PGAP6: variants seen among roughly 807,000 people sequenced by gnomAD.
PGAP6 encodes post-GPI attachment to proteins 6, also known as post-GPI attachment to proteins factor 6.
A neutral mutation model predicts 68.4 loss-of-function variants in PGAP6; 62 were observed. That is an observed-to-expected ratio of 0.91 (90% CI 0.74 to 1.12). The LOEUF is 1.12. Ranked by LOEUF, PGAP6 falls within the 50% of genes most tolerant of loss-of-function variation. The probability of loss-of-function intolerance (pLI) is 0.00; values close to 1 mark genes in which losing one functional copy is unlikely to be tolerated. For missense variants in PGAP6, 1,188 were observed against 1,068.5 expected (o/e 1.11, Z -1.56); for synonymous variants, 575 against 474.0 (o/e 1.21, Z -2.77).
In PGAP6 at chr16:376,241, C is replaced by T; in HGVS notation, c.1119G>A (p.Arg373=). The T allele has an allele frequency of 2.5e-6, 4 of 1,612,880 alleles. No homozygotes were observed. The highest frequency in any genetic ancestry group is 3.4e-6 in the Non-Finnish European group (4 of 1,180,012). ...VVSVHFQPLD[R]VSVRVCSDTP... Reference sequence around the variant, plus strand: ...TGTCCGAACACACCCTCACCGAGACCCTGTCCAGGGGCTGGAAGTGCACCG... The same window carrying T: ...TGTCCGAACACACCCTCACCGAGACTCTGTCCAGGGGCTGGAAGTGCACCG... Residue 373 remains arginine (R), a synonymous_variant, in exon 6 of 13, where the codon AGG becomes AGA. Transcript: ENST00000431232.
chr16:377,804 G>C lies in PGAP6; in HGVS notation c.166C>G (p.Leu56Val). The C allele has an allele frequency of 6.3e-7, 1 of 1,575,838 alleles. No homozygotes were observed. The highest frequency in any genetic ancestry group is 8.6e-7 in the Non-Finnish European group (1 of 1,161,294). ...SEHFSQAPQRLSFYSWYGSAR... is the reference protein window; with the variant it reads ...SEHFSQAPQRVSFYSWYGSAR... ...CTGCCGTACCAGCTGTAGAAGGACA[G>C]CCTCTGCGGGGCCTGCGAGAAGTGC... Residue 56 changes from leucine to valine, a missense_variant, in exon 2 of 13, where the codon CTG (leucine) becomes GTG (valine). By Grantham distance (32) the Leu-to-Val change is conservative. Coordinates refer to ENST00000431232, the MANE Select transcript of PGAP6 (RefSeq NM_021259.3).
At position 376,652 on chromosome 16, in the gene PGAP6, G is replaced by A. The variant is rs185733391; in HGVS notation, c.796C>T (p.Arg266Cys). ...CAGGGCGGTGAGGGCAGCAGCAGGC[G>A]GCAGGGCCAGGGGGCACCGGTGCAG... Reference protein sequence around the residue: ...LTCTGAPWPCRLLLPSPPWDR... With the variant: ...LTCTGAPWPCCLLLPSPPWDR... The change falls in exon 5 of 13, where the codon CGC becomes TGC. Residue 266 changes from arginine to cysteine, a missense_variant. Arg to Cys is a radical substitution (Grantham distance 180). Transcript: ENST00000431232. The A allele has an allele frequency of 8.5e-5, 136 of 1,608,044 alleles. No individual in the cohort carries two copies. The highest frequency in any genetic ancestry group is 1.0e-4 in the Non-Finnish European group (123 of 1,177,646).
rs552036633 is a variant in PGAP6, at chr16:376,881, C to A, written c.636-69G>T. 89 of 1,576,946 alleles carry A rather than the reference C, an allele frequency of 5.6e-5. 1 individual carries two copies. In the East Asian group the frequency reaches 1.1e-3, roughly 20 times the overall value. On this transcript the variant is annotated intron_variant, in intron 4 of 12. Coordinates refer to ENST00000431232, the MANE Select transcript of PGAP6 (RefSeq NM_021259.3). ...AGCCCAGGGACGCAGCGTGCCCAGG[C>A]TCTGCTGTTCCTCAGCCCACTCTGG...
chr16:385,387 A>T (rs1203868917), upstream of PGAP6, among the ~76,000 whole-genome samples: 1 of 132,050 alleles, frequency 7.6e-6, no homozygotes, highest in South Asian at 2.5e-4. Flanking sequence ...ATCTCGGCTC[A>T]CGCAAGCTCC....
chr16:377,226 C>G, intron 3 of PGAP6, 62 bp from the exon 4 acceptor site: 1 of 1,608,382 alleles, frequency 6.2e-7, no homozygotes, highest in Non-Finnish European at 8.5e-7. Context: ...AGGGCATGGT[C>G]TCACCAGACG....
chr16:372,754 G>T, intron 11 of PGAP6, 27 bp from the exon 12 acceptor site: 1 of 1,554,178 alleles, frequency 6.4e-7, no homozygotes, highest in South Asian at 1.1e-5. Context: ...GATGACTGCA[G>T]GGACGTCTCT....
At chr16:382,633 G>GA (rs1198033297), upstream of PGAP6, among the ~76,000 whole-genome samples, 1 of 151,920 alleles carries the variant, frequency 6.6e-6, no homozygotes, top group Non-Finnish European at 1.5e-5. Flanking sequence ...GATTTGAGCC[G>GA]AAAAAAGGAA....
chr16:383,738 C>T (rs1196329097), upstream of PGAP6, among the ~76,000 whole-genome samples: 2 of 152,230 alleles, frequency 1.3e-5, no homozygotes, highest in Admixed American at 1.3e-4. Context: ...TGATCCAGCA[C>T]CGGCTACACT....
upstream of PGAP6, among the ~76,000 whole-genome samples, chr16:382,681 TCTTA>T (rs2054454296): frequency 6.7e-6 from 1 of 148,962 alleles, no homozygotes; most frequent in Non-Finnish European, 1.5e-5. Flanking sequence ...GCTTTTTCCG[TCTTA>T]GGGCCAAGTC....
intron 1 of PGAP6, among the ~76,000 whole-genome samples, 184 bp downstream of exon 1, chr16:381,517 T>C (rs962328009): frequency 4.6e-5 from 7 of 151,936 alleles, no homozygotes; most frequent in African/African-American, 1.7e-4. Context: ...CGGGGTCCCG[T>C]CCGCCTCGAC....
chr16:375,414 C>CG lies in PGAP6; in HGVS notation c.1245dup (p.Val416ArgfsTer62). On this transcript the variant is annotated frameshift_variant, in exon 7 of 13. Transcript: ENST00000431232. LOFTEE classifies it high-confidence loss of function. ...GCAGCATTCACGCAGGCCACTACGA[C>CG]GGTCTCGTTCCGCATCTCTGTCTGG... 1 of 1,612,544 alleles carries CG rather than the reference C, an allele frequency of 6.2e-7. No individual in the cohort carries two copies.
Position 376,433 on chromosome 16 carries a change from G to C in PGAP6, c.927C>G (p.Thr309=). Residue 309 remains threonine (T), a synonymous_variant, in exon 6 of 13, where the codon ACC becomes ACG. Coordinates refer to ENST00000431232, the MANE Select transcript of PGAP6 (RefSeq NM_021259.3). The part of the protein sequence containing the change: ...ALTACRPRSV[T]IQPLLQSSQN... ...GGCTGCTCTGCAGAAGGGGCTGGAT[G>C]GTCACGCTCCGTGGCCTGCAAGCTG... 6.4e-7 allele frequency: 1 copy of C among 1,572,168 alleles called. No individual in the cohort carries two copies. The highest frequency in any genetic ancestry group is 8.6e-7 in the Non-Finnish European group (1 of 1,156,994).
rs768474548 is a variant in PGAP6, at chr16:374,862, C to G, written c.1470G>C (p.Glu490Asp). 1 of 1,612,964 alleles carries G rather than the reference C, an allele frequency of 6.2e-7. No homozygotes were observed. Among genetic ancestry groups the G allele is most frequent in the South Asian group, 1.1e-5 (1 of 91,072 alleles). ...EDCEQAVVHV[E>D]TTLYLVPCLN... The stretch of plus-strand genomic sequence containing the variant: ...AACAGGGCACCAGGTACAAGGTGGT[C>G]TCCACGTGGACCACAGCCTGCTCAC... Residue 490 changes from glutamate to aspartate, a missense_variant, in exon 9 of 13, where the codon GAG becomes GAC. Glu to Asp is a conservative substitution (Grantham distance 45). Transcript: ENST00000431232.
At chr16:378,572 T>A (rs928402268) in intron 1 of PGAP6, among the ~76,000 whole-genome samples, 2 of 149,536 alleles carry the variant, frequency 1.3e-5, no homozygotes, top group African/African-American at 4.9e-5. Context: ...CCAACCCAGG[T>A]CGAAGCCGAA....
At position 381,681 on chromosome 16, in the gene PGAP6, C is replaced by A; in HGVS notation, c.121+20G>T. 1 of 1,198,914 alleles carries A rather than the reference C, an allele frequency of 8.3e-7. No individual in the cohort carries two copies. The allele number at this position is 1,198,914 out of a possible 1,614,324, so 74.3% of individuals were successfully genotyped here. ...AGCCCCGGCCCCACGCCCCCGATGGCGCCCGCGCCTCCCGCTCACCGCTCT... is the reference window on the plus strand; with the variant it reads ...AGCCCCGGCCCCACGCCCCCGATGGAGCCCGCGCCTCCCGCTCACCGCTCT... On this transcript the variant is annotated intron_variant, in intron 1 of 12. Coordinates refer to ENST00000431232, the MANE Select transcript of PGAP6 (RefSeq NM_021259.3).
At chr16:383,765 G>A (rs891225380), upstream of PGAP6, among the ~76,000 whole-genome samples, 1 of 152,250 alleles carries the variant, frequency 6.6e-6, no homozygotes, top group Non-Finnish European at 1.5e-5. Flanking sequence ...CCTTGGAGGA[G>A]GAGAGGCGGG....
chr16:375,605 T>C (rs11646097), intron 6 of PGAP6, among the ~76,000 whole-genome samples, 170 bp from the exon 7 acceptor site: 83,005 of 150,658 alleles, frequency 0.55, 23,188 homozygotes, highest in South Asian at 0.69. Flanking sequence ...CGATCTCGGC[T>C]CACTGCAACC....
At chr16:372,992 C>T (rs972945255) in intron 11 of PGAP6, among the ~76,000 whole-genome samples, 14 of 152,158 alleles carry the variant, frequency 9.2e-5, no homozygotes, top group East Asian at 1.9e-4. Context: ...ACTGGACAGA[C>T]GCATATGGCC....
chr16:375,496 G>C, intron 6 of PGAP6, 61 bp from the exon 7 acceptor site: 1 of 1,397,664 alleles, frequency 7.2e-7, no homozygotes. Flanking sequence ...GGGGTCATCT[G>C]CCCCACGTGC....
Sources: allele counts gnomAD v4.1 joint callset (sites outside exome capture counted in the v4.1 genomes callset), GRCh38; gene constraint gnomAD v4.1.1; transcripts MANE v1.5; gene names NCBI Gene and HGNC (gene_info 2026-07-23, HGNC 2026-07-21).